NBEA: variants seen among roughly 807,000 people sequenced by gnomAD.
NBEA encodes lysosomal-trafficking regulator 2.
Under a neutral mutation model 343.4 loss-of-function variants are expected in NBEA, and 44 were observed. The observed-to-expected ratio is 0.13, with a 90% CI of 0.10 to 0.16. NBEA has a LOEUF of 0.16. NBEA is among the 10% of genes least tolerant of loss of function. The pLI is 1.00. For synonymous variants in NBEA, 1,175 were observed against 1,238.7 expected, an observed-to-expected ratio of 0.95 and a Z score of 1.08; for missense variants, 2,555 against 3,631.3, an observed-to-expected ratio of 0.70 and a Z score of 7.62.
intron 44 of NBEA, among the ~76,000 whole-genome samples, chr13:35,563,068 A>G (rs150150648): frequency 1.8e-3 from 274 of 152,012 alleles, no homozygotes; most frequent in African/African-American, 6.5e-3. Flanking sequence ...TTTAATATTC[A>G]TCTTCCAAGA....
rs969818528 is a variant in NBEA, at chr13:35,192,468, A to T, written c.4928-3396A>T. On this transcript the variant is annotated intron_variant, in intron 30 of 58. Coordinates refer to ENST00000379939, the MANE Select transcript of NBEA (RefSeq NM_001385012.1). ...TGCTTTACAAAACATATTTATTTGA[A>T]TAAAAGTCATTGAAATATCAAAATT... Among the ~76,000 whole-genome samples, 3 of 152,138 alleles carry T rather than the reference A, an allele frequency of 2.0e-5. No individual in the cohort carries two copies. In the East Asian group the frequency reaches 5.8e-4, roughly 29 times the overall value.
chr13:35,249,021 T>C (rs1220903402), intron 34 of NBEA, among the ~76,000 whole-genome samples: 1 of 151,972 alleles, frequency 6.6e-6, no homozygotes, highest in Non-Finnish European at 1.5e-5. Flanking sequence ...TGTTGGCATA[T>C]TGCTGTAATC....
chr13:35,100,918 C>T (rs2152643427), intron 11 of NBEA, among the ~76,000 whole-genome samples: 1 of 152,010 alleles, frequency 6.6e-6, no homozygotes, highest in East Asian at 1.9e-4. Context: ...TTATGAATTG[C>T]TTATTCTAAA....
At chr13:35,525,650 TG>T (rs1284215949) in intron 41 of NBEA, among the ~76,000 whole-genome samples, 1 of 152,220 alleles carries the variant, frequency 6.6e-6, no homozygotes, top group East Asian at 1.9e-4. Flanking sequence ...ATGGGAACTC[TG>T]AGGCAGGATA....
chr13:35,233,996 A>G (rs1404108009), intron 34 of NBEA, among the ~76,000 whole-genome samples: 1 of 152,176 alleles, frequency 6.6e-6, no homozygotes, highest in Non-Finnish European at 1.5e-5. Flanking sequence ...AGCTTATTAG[A>G]TGAGGAGTGT....
intron 43 of NBEA, among the ~76,000 whole-genome samples, chr13:35,553,272 C>T (rs2079429111): frequency 6.6e-6 from 1 of 152,116 alleles, no homozygotes; most frequent in South Asian, 2.1e-4. Context: ...TAATGCCATT[C>T]TATCTTCAAA....
At position 35,671,087 on chromosome 13, in the gene NBEA, C is replaced by T. The variant is rs969579168; in HGVS notation, c.*96C>T. 13 of 789,696 alleles carry T rather than the reference C, an allele frequency of 1.6e-5. No individual in the cohort carries two copies. Among genetic ancestry groups the T allele is most frequent in the African/African-American group, 3.4e-5 (2 of 58,256 alleles). 48.9% of individuals were successfully genotyped at this position (789,696 alleles called of 1,614,324 possible). Reference sequence around the variant, plus strand: ...GGTGGAAAAAACTCGTCTACATCGACCTCCGTTTGTACATTCCATCACACC... The same window carrying T: ...GGTGGAAAAAACTCGTCTACATCGATCTCCGTTTGTACATTCCATCACACC... On this transcript the variant is annotated 3_prime_UTR_variant, in exon 59 of 59. Transcript: ENST00000379939.
chr13:35,261,674 C>G (rs1214757402), intron 34 of NBEA, among the ~76,000 whole-genome samples: 7 of 151,952 alleles, frequency 4.6e-5, no homozygotes, highest in Non-Finnish European at 1.0e-4. Context: ...TAGCAGTGAA[C>G]TCGGAGATGT....
intron 40 of NBEA, among the ~76,000 whole-genome samples, chr13:35,462,315 G>T (rs534199334): frequency 2.3e-4 from 35 of 152,254 alleles, no homozygotes; most frequent in African/African-American, 7.7e-4. Context: ...CAGAAAACAC[G>T]ATCCTAGAAT....
chr13:35,147,112 A>G (rs2068480370), intron 18 of NBEA, among the ~76,000 whole-genome samples: 1 of 152,168 alleles, frequency 6.6e-6, no homozygotes, highest in Admixed American at 6.5e-5. Context: ...CCTTCACTAA[A>G]CAAGTCACCA....
intron 38 of NBEA, among the ~76,000 whole-genome samples, chr13:35,354,328 G>C (rs1264422416): frequency 6.6e-6 from 1 of 152,032 alleles, no homozygotes; most frequent in Admixed American, 6.6e-5. Context: ...ACATTATATT[G>C]CTAGTAACGC....
At chr13:35,173,730 T>A in intron 27 of NBEA, 136 bp downstream of exon 27, 2 of 692,694 alleles carry the variant, frequency 2.9e-6, no homozygotes, top group Non-Finnish European at 2.1e-6. Flanking sequence ...CTAGGCTGCT[T>A]AACAATTTTG....
intron 18 of NBEA, among the ~76,000 whole-genome samples, chr13:35,146,358 CA>C (rs1326700317): frequency 2.6e-5 from 4 of 152,214 alleles, no homozygotes; most frequent in Admixed American, 2.0e-4. Flanking sequence ...GCCTTTAGGA[CA>C]GAGTAACTTG....
Position 35,608,202 on chromosome 13 carries a change from A to G in NBEA, c.7449+1624A>G, listed in dbSNP as rs190189405. On this transcript the variant is annotated intron_variant, in intron 48 of 58. Transcript: ENST00000379939. ...AATGTGTTCTCCCCCCTTTTTTTTT[A>G]AGAAAATTTCATGTTTTGCATAAGT... 2.4e-3 allele frequency among the ~76,000 whole-genome samples: 360 copies of G among 151,902 alleles called. 2 individuals are homozygous for G. Among genetic ancestry groups the G allele is most frequent in the Non-Finnish European group, 3.5e-3 (235 of 67,924 alleles).
intron 36 of NBEA, among the ~76,000 whole-genome samples, chr13:35,319,919 C>CTT (rs112253170): frequency 3.8e-4 from 56 of 147,942 alleles, no homozygotes; most frequent in South Asian, 1.1e-3. Flanking sequence ...GCAACCTCTG[C>CTT]TTTTTTTTTT....
At chr13:35,164,820 A>G in intron 24 of NBEA, among the ~76,000 whole-genome samples, 1 of 152,166 alleles carries the variant, frequency 6.6e-6, no homozygotes, top group East Asian at 1.9e-4. Context: ...TTGTTATTTA[A>G]CATTTTCATT....
intron 39 of NBEA, among the ~76,000 whole-genome samples, chr13:35,443,958 C>T (rs567976843): frequency 2.0e-5 from 3 of 151,768 alleles, no homozygotes; most frequent in South Asian, 2.1e-4. Context: ...TAAGGAAGGA[C>T]GCACTTAATA....
chr13:35,050,036 A>G (rs1016213908), intron 5 of NBEA, among the ~76,000 whole-genome samples: 3 of 151,776 alleles, frequency 2.0e-5, no homozygotes, highest in Admixed American at 6.6e-5. Flanking sequence ...TATTTCTGAG[A>G]TTTTAGATTG....
chr13:35,657,058 C>T (rs577408822), intron 55 of NBEA, among the ~76,000 whole-genome samples: 3 of 152,146 alleles, frequency 2.0e-5, no homozygotes, highest in Non-Finnish European at 4.4e-5. Context: ...TGCATTTTGA[C>T]AGGAATACCG....
Sources: allele counts gnomAD v4.1 joint callset (sites outside exome capture counted in the v4.1 genomes callset), GRCh38; gene constraint gnomAD v4.1.1; transcripts MANE v1.5; gene names NCBI Gene and HGNC (gene_info 2026-07-23, HGNC 2026-07-21).